KIF13A: variants seen among roughly 807,000 people sequenced by gnomAD.
KIF13A encodes kinesin family member 13A, also known as kinesin-like protein KIF13A.
Under a neutral mutation model 212.2 loss-of-function variants are expected in KIF13A, and 79 were observed. The observed-to-expected ratio is 0.37, with a 90% confidence interval of 0.31 to 0.45. The LOEUF (loss-of-function observed/expected upper bound fraction) is 0.45, where lower values mean the gene tolerates loss of function less well. KIF13A is among the 20% of genes least tolerant of loss of function. The pLI is 1.00. For synonymous variants in KIF13A, 789 were observed against 808.6 expected, an observed-to-expected ratio of 0.98 and a Z score of 0.41; for missense variants, 1,901 against 2,209.0, an observed-to-expected ratio of 0.86 and a Z score of 2.79.
chr6:17,831,577 A>G (rs1765458007), intron 12 of KIF13A, among the ~76,000 whole-genome samples: 1 of 151,646 alleles, frequency 6.6e-6, no homozygotes, highest in African/African-American at 2.4e-5. Flanking sequence ...ATGATGGGTT[A>G]AGAGACCAAG....
At chr6:17,931,208 G>A (rs768604866) in intron 2 of KIF13A, among the ~76,000 whole-genome samples, 2 of 152,200 alleles carry the variant, frequency 1.3e-5, no homozygotes, top group Non-Finnish European at 2.9e-5. Context: ...CTAAGGTCAC[G>A]AGAGCTGGAT....
rs1028498012 is a variant in KIF13A, at chr6:17,918,748, C to T, written c.147-20568G>A. Among the ~76,000 whole-genome samples the T allele has an allele frequency of 3.9e-5, 6 of 152,138 alleles. No individual in the cohort carries two copies. The highest frequency in any genetic ancestry group is 8.8e-5 in the Non-Finnish European group (6 of 68,032). On this transcript the variant is annotated intron_variant, in intron 2 of 38. Coordinates refer to ENST00000259711, the MANE Select transcript of KIF13A (RefSeq NM_022113.6). This position sits in a 1 kb window ranked among gnomAD's most constrained non-coding sequence, Gnocchi z 4.8. The stretch of plus-strand genomic sequence containing the variant: ...GGGCTTGCTCCTCAGAGGAGTGTTC[C>T]CCGTACTCCCTACATTAATGTTGAG...
intron 2 of KIF13A, among the ~76,000 whole-genome samples, chr6:17,980,133 T>A (rs1034180243): frequency 1.3e-5 from 2 of 152,134 alleles, no homozygotes; most frequent in Admixed American, 6.5e-5. Flanking sequence ...TCTAACAGAT[T>A]CCAGAGGGGA....
chr6:17,814,966 T>C (rs1763795799), intron 17 of KIF13A, among the ~76,000 whole-genome samples: 1 of 152,134 alleles, frequency 6.6e-6, no homozygotes, highest in African/African-American at 2.4e-5. Flanking sequence ...CACTACCACC[T>C]AGACGCAGAG....
chr6:17,793,294 C>G (rs1055986315), intron 25 of KIF13A, among the ~76,000 whole-genome samples: 1 of 151,882 alleles, frequency 6.6e-6, no homozygotes. Context: ...GTTGGTCAGG[C>G]TGGTCTCGAA....
Position 17,951,200 on chromosome 6 carries a change from G to T in KIF13A, c.146+35854C>A. 8.4e-7 allele frequency: 1 copy of T among 1,193,812 alleles called. No individual in the cohort carries two copies. Among genetic ancestry groups the T allele is most frequent in the Non-Finnish European group, 1.1e-6 (1 of 943,966 alleles). The allele number at this position is 1,193,812 out of a possible 1,614,324, so 74.0% of individuals were successfully genotyped here. A position where few individuals can be genotyped will look rare whatever the true frequency, so the allele number is the denominator to read the frequency against. On this transcript the variant is annotated intron_variant, in intron 2 of 38. Coordinates refer to ENST00000259711, the MANE Select transcript of KIF13A (RefSeq NM_022113.6). The surrounding 1 kb of genome is among the most constrained non-coding windows in gnomAD (Gnocchi z 4.9). ...GACAGGGTCTGGCTCTGTCACCCAG[G>T]CTGGCGTGCAGTGGCTCAAACAGCT...
In KIF13A at chr6:17,971,289, G is replaced by A. The variant is rs1002854680; in HGVS notation, c.146+15765C>T. Among the ~76,000 whole-genome samples, 4 of 152,150 alleles carry A rather than the reference G, an allele frequency of 2.6e-5. No individual in the cohort carries two copies. Among genetic ancestry groups the A allele is most frequent in the Non-Finnish European group, 5.9e-5 (4 of 68,022 alleles). ...ATTTCCATCAATTTCCAGGAAAAGA[G>A]ATAATTAATGTGATCACTTCACAAA... On this transcript the variant is annotated intron_variant, in intron 2 of 38. Coordinates refer to ENST00000259711, the MANE Select transcript of KIF13A (RefSeq NM_022113.6). The surrounding 1 kb of genome is among the most constrained non-coding windows in gnomAD (Gnocchi z 4.2).
In KIF13A at chr6:17,773,421, C is replaced by T; in HGVS notation, c.4324+57G>A. The T allele has an allele frequency of 5.0e-6, 5 of 999,586 alleles. No individual in the cohort carries two copies. The highest frequency in any genetic ancestry group is 3.7e-5 in the Admixed American group (2 of 53,506). The allele number at this position is 999,586 out of a possible 1,614,324, so 61.9% of individuals were successfully genotyped here. On this transcript the variant is annotated intron_variant, in intron 36 of 38. Transcript: ENST00000259711. The surrounding 1 kb of genome is among the most constrained non-coding windows in gnomAD (Gnocchi z 4.2). ...ATGCCATTAATGAAAGACATTTTTT[C>T]ATACTTTTTCTAAGTAATTACAAAG... is the stretch of plus-strand genomic sequence containing the variant.
At chr6:17,759,448 A>G (rs1758492289), downstream of KIF13A, 1 of 152,184 alleles carries the variant, frequency 6.6e-6, no homozygotes, top group Non-Finnish European at 1.5e-5. Flanking sequence ...GGTTTCCAAT[A>G]TCTTACTCAT....
At chr6:17,903,264 C>T (rs1434531479) in intron 2 of KIF13A, among the ~76,000 whole-genome samples, 1 of 152,208 alleles carries the variant, frequency 6.6e-6, no homozygotes, top group South Asian at 2.1e-4. Context: ...TGTTACTCTC[C>T]TTGCATATTC....
chr6:17,920,863 G>A (rs1775006282), intron 2 of KIF13A, among the ~76,000 whole-genome samples: 1 of 120,756 alleles, frequency 8.3e-6, no homozygotes, highest in Admixed American at 8.6e-5. Flanking sequence ...GATAGGGCAG[G>A]ACTATGTCTC....
chr6:17,953,799 G>T, intron 2 of KIF13A: 1 of 181,418 alleles, frequency 5.5e-6, no homozygotes, highest in East Asian at 1.2e-4. Flanking sequence ...AGGAGACTAG[G>T]GGAATAGGTA....
rs73723305 is a variant in KIF13A at position 17,876,313 on chromosome 6, A to G, written c.160-2876T>C. Reference sequence around the variant, plus strand: ...GGCCTGGCATTTGAGACTAGCCACAATAGGCCCTCCCAGCCTATTAACCCC... The same window carrying G: ...GGCCTGGCATTTGAGACTAGCCACAGTAGGCCCTCCCAGCCTATTAACCCC... On this transcript the variant is annotated intron_variant, in intron 3 of 38. Transcript: ENST00000259711. Among the ~76,000 whole-genome samples the G allele has an allele frequency of 8.4e-3, 1,280 of 152,278 alleles. 23 individuals are homozygous for G. The highest frequency in any genetic ancestry group is 0.029 in the African/African-American group (1,208 of 41,546).
intron 2 of KIF13A, among the ~76,000 whole-genome samples, chr6:17,966,644 C>T (rs2150598726): frequency 6.6e-6 from 1 of 152,184 alleles, no homozygotes; most frequent in South Asian, 2.1e-4. Flanking sequence ...CAACATGGAT[C>T]GGTATGGATT....
At chr6:17,985,835 CACA>C (rs1304398262) in intron 2 of KIF13A, among the ~76,000 whole-genome samples, 1 of 152,130 alleles carries the variant, frequency 6.6e-6, no homozygotes, top group Non-Finnish European at 1.5e-5. Flanking sequence ...CAGTGTTAAA[CACA>C]ACATTTTACA....
At chr6:17,903,953 G>A (rs1012905808) in intron 2 of KIF13A, among the ~76,000 whole-genome samples, 1 of 151,400 alleles carries the variant, frequency 6.6e-6, no homozygotes, top group African/African-American at 2.4e-5. Flanking sequence ...AGGAGTTCAA[G>A]ACCACCCTAG....
chr6:17,844,583 T>A (rs1016201476), intron 9 of KIF13A, among the ~76,000 whole-genome samples: 3 of 152,240 alleles, frequency 2.0e-5, no homozygotes, highest in African/African-American at 7.2e-5. Flanking sequence ...GTCCAAGGAT[T>A]TGTTTCTTCT....
At chr6:17,805,430 T>A in intron 19 of KIF13A, 45 bp downstream of exon 19, 1 of 1,550,272 alleles carries the variant, frequency 6.5e-7, no homozygotes, top group Non-Finnish European at 8.9e-7. Flanking sequence ...TTATATTCTC[T>A]GTTTTTAACA....
chr6:17,931,674 C>T (rs1245469338), intron 2 of KIF13A, among the ~76,000 whole-genome samples: 1 of 152,184 alleles, frequency 6.6e-6, no homozygotes, highest in Non-Finnish European at 1.5e-5. Flanking sequence ...GCATGCACCA[C>T]CTCACCTGGT....
Sources: gnomAD v4.1 joint callset for allele counts (sites outside exome capture counted in the v4.1 genomes callset) on GRCh38, gnomAD v4.1.1 for gene constraint, Gnocchi (gnomAD v3.1) non-coding constraint, MANE v1.5 for transcripts, NCBI Gene and HGNC (gene_info 2026-07-23, HGNC 2026-07-21) for gene names.